The following CTNNA3 variants were observed in gnomAD, a reference collection of about 807,000 sequenced individuals.
The protein encoded by CTNNA3 is catenin alpha-3.
A neutral mutation model predicts 95.7 loss-of-function variants in CTNNA3; 76 were observed. The observed-to-expected ratio is 0.79, with a 90% CI of 0.66 to 0.96. The LOEUF (loss-of-function observed/expected upper bound fraction) is 0.96. Among genes scored for constraint, CTNNA3 ranks in the 40% least tolerant of loss-of-function variants. The probability of loss-of-function intolerance (pLI) is 0.00; values close to 1 mark genes in which losing one functional copy is unlikely to be tolerated. For missense variants in CTNNA3, 1,191 were observed against 1,089.8 expected, an observed-to-expected ratio of 1.09 and a Z score of -1.31; for synonymous variants, 431 against 374.4, an observed-to-expected ratio of 1.15 and a Z score of -1.74.
At chr10:67,061,872 G>A (rs909198889) in intron 7 of CTNNA3, among the ~76,000 whole-genome samples, 2 of 152,128 alleles carry the variant, frequency 1.3e-5, no homozygotes, top group East Asian at 1.9e-4. Context: ...AAAGAATCAA[G>A]TTATGTTCTA....
At chr10:66,155,761 A>C (rs1019777879) in intron 13 of CTNNA3, among the ~76,000 whole-genome samples, 2 of 152,002 alleles carry the variant, frequency 1.3e-5, no homozygotes, top group African/African-American at 4.8e-5. Context: ...AGAAGCAAAC[A>C]TTAGAGAACA....
intron 1 of CTNNA3, among the ~76,000 whole-genome samples, chr10:67,715,009 T>C (rs56132710): frequency 0.036 from 5,416 of 152,278 alleles, 101 homozygotes; most frequent in Middle Eastern, 0.085. Flanking sequence ...TTCTGGTATG[T>C]CTTGATCAGC....
chr10:66,441,788 T>G (rs2131788838), intron 11 of CTNNA3, among the ~76,000 whole-genome samples: 1 of 152,350 alleles, frequency 6.6e-6, no homozygotes, highest in East Asian at 1.9e-4. Flanking sequence ...GATGGCAATC[T>G]AATGTATACA....
At chr10:66,997,140 G>A (rs969970009) in intron 7 of CTNNA3, among the ~76,000 whole-genome samples, 27 of 152,032 alleles carry the variant, frequency 1.8e-4, no homozygotes, top group African/African-American at 6.0e-4. Context: ...CAGCTTTTTC[G>A]TCTTTGCTTA....
intron 3 of CTNNA3, among the ~76,000 whole-genome samples, chr10:67,595,126 C>A (rs1267939640): frequency 6.6e-6 from 1 of 152,166 alleles, no homozygotes; most frequent in Non-Finnish European, 1.5e-5. Context: ...TTTTACGTCT[C>A]AATTTTATTC....
intron 8 of CTNNA3, among the ~76,000 whole-genome samples, chr10:66,768,826 TAA>T (rs1191469664): frequency 6.6e-6 from 1 of 151,592 alleles, no homozygotes; most frequent in African/African-American, 2.4e-5. Flanking sequence ...TAAATTAAAT[TAA>T]AAAAAAGGAA....
chr10:67,356,964 C>G (rs77521930), intron 5 of CTNNA3, among the ~76,000 whole-genome samples: 11,525 of 152,140 alleles, frequency 0.076, 698 homozygotes, highest in East Asian at 0.24. Context: ...CAGTTCCTCC[C>G]AGTGATCTTT....
chr10:67,611,579 G>C (rs2133388484), intron 2 of CTNNA3, among the ~76,000 whole-genome samples: 1 of 152,296 alleles, frequency 6.6e-6, no homozygotes, highest in East Asian at 1.9e-4. Context: ...GCCTCCCAAA[G>C]TGCTGGGATT....
intron 7 of CTNNA3, among the ~76,000 whole-genome samples, chr10:66,916,182 G>C (rs902555584): frequency 6.6e-6 from 1 of 152,168 alleles, no homozygotes; most frequent in Non-Finnish European, 1.5e-5. Flanking sequence ...AACGCTGAAT[G>C]AGAATGGCAA....
chr10:66,667,802 A>G (rs940324292), intron 9 of CTNNA3, among the ~76,000 whole-genome samples: 3 of 151,780 alleles, frequency 2.0e-5, no homozygotes, highest in Admixed American at 6.6e-5. Context: ...TATTGACTGC[A>G]TTTCTCCCTA....
chr10:67,045,140 A>AATGTAATGTT (rs1854648979), intron 7 of CTNNA3, among the ~76,000 whole-genome samples: 1 of 152,232 alleles, frequency 6.6e-6, no homozygotes, highest in Non-Finnish European at 1.5e-5. Flanking sequence ...TACATACAGT[A>AATGTAATGTT]AATGCTGAAG....
intron 5 of CTNNA3, among the ~76,000 whole-genome samples, chr10:67,452,477 A>C (rs972749357): frequency 4.6e-5 from 7 of 152,360 alleles, no homozygotes; most frequent in African/African-American, 1.7e-4. Context: ...CACATGAATT[A>C]AACATTACTC....
intron 13 of CTNNA3, among the ~76,000 whole-genome samples, chr10:66,252,726 A>G (rs2090610184): frequency 6.6e-6 from 1 of 152,254 alleles, no homozygotes; most frequent in Admixed American, 6.5e-5. Flanking sequence ...TGGAATGACA[A>G]AATTACTGAG....
rs190824285 is a variant in CTNNA3, at chr10:66,873,720, G to A, written c.1048-98196C>T. Among the ~76,000 whole-genome samples the A allele has an allele frequency of 5.3e-5, 8 of 152,240 alleles. No homozygotes were observed. In the East Asian group the frequency reaches 1.5e-3, roughly 29 times the overall value. On this transcript the variant is annotated intron_variant, in intron 7 of 17. Coordinates refer to ENST00000433211, the MANE Select transcript of CTNNA3 (RefSeq NM_013266.4). ...ACTGGCTAGCCATAGGCAGTATAAT[G>A]AAACTGGACCCCTACTTTTCACCAC...
intron 7 of CTNNA3, among the ~76,000 whole-genome samples, chr10:67,024,746 C>T (rs1460817316): frequency 6.6e-6 from 1 of 152,154 alleles, no homozygotes; most frequent in East Asian, 1.9e-4. Context: ...TCAGAGCCTA[C>T]TAAACATTCT....
At chr10:67,631,265 C>A (rs1490781359) in intron 2 of CTNNA3, among the ~76,000 whole-genome samples, 1 of 151,204 alleles carries the variant, frequency 6.6e-6, no homozygotes, top group South Asian at 2.1e-4. Context: ...AATATCCCTG[C>A]AAAATGACCC....
intron 7 of CTNNA3, among the ~76,000 whole-genome samples, chr10:66,795,688 C>G (rs955688120): frequency 1.3e-5 from 2 of 152,146 alleles, no homozygotes; most frequent in South Asian, 2.1e-4. Context: ...CTATGAAAGT[C>G]CTAGAAGGCG....
intron 12 of CTNNA3, among the ~76,000 whole-genome samples, chr10:66,294,913 A>AGAGAGAGAGAGAGAGG (rs58983331): frequency 2.1e-4 from 32 of 148,858 alleles, no homozygotes; most frequent in African/African-American, 6.9e-4. Context: ...AGAGAGAGAG[A>AGAGAGAGAGAGAGAGG]GGGATTTGGT....
chr10:65,977,816 T>G (rs968483576), intron 16 of CTNNA3, among the ~76,000 whole-genome samples: 23 of 151,916 alleles, frequency 1.5e-4, no homozygotes, highest in African/African-American at 4.3e-4. Flanking sequence ...AATAAATAAA[T>G]AAAACGAATT....
Sources: gnomAD v4.1 joint callset for allele counts (sites outside exome capture counted in the v4.1 genomes callset) on GRCh38, gnomAD v4.1.1 for gene constraint, MANE v1.5 for transcripts, NCBI Gene and HGNC (gene_info 2026-07-23, HGNC 2026-07-21) for gene names.